Variants in UTP20 observed in about 807,000 individuals in gnomAD.
UTP20 encodes UTP20 small subunit processome component, also known as small subunit processome component 20 homolog.
A neutral mutation model predicts 329.5 loss-of-function variants in UTP20; 164 were observed. The ratio of observed to expected loss-of-function variants is 0.50; its 90% CI spans 0.44 to 0.57. The LOEUF is 0.57. UTP20 is among the 20% of genes least tolerant of loss of function. The probability of loss-of-function intolerance (pLI) is 0.00; values close to 1 mark genes in which losing one functional copy is unlikely to be tolerated. For synonymous variants in UTP20, 1,151 were observed against 1,159.3 expected (o/e 0.99, Z 0.14); for missense variants, 3,055 against 3,284.2 (o/e 0.93, Z 1.71).
intron 47 of UTP20, among the ~76,000 whole-genome samples, chr12:101,367,083 C>T (rs1478712779): frequency 6.6e-6 from 1 of 151,910 alleles, no homozygotes; most frequent in African/African-American, 2.4e-5. Flanking sequence ...AGTCTGAAAC[C>T]AGCCTGGGCA....
chr12:101,351,976 T>A, intron 38 of UTP20, 79 bp from the exon 39 acceptor site: 3 of 1,543,078 alleles, frequency 1.9e-6, no homozygotes, highest in Non-Finnish European at 1.8e-6. Context: ...ACTTACTAAC[T>A]TTTTCAATAT....
In UTP20 at chr12:101,367,853, C is replaced by T. The variant is rs757190685; in HGVS notation, c.6268-7C>T. On this transcript the variant is annotated splice_polypyrimidine_tract_variant and splice_region_variant and intron_variant, in intron 47 of 61. Coordinates refer to ENST00000261637, the MANE Select transcript of UTP20 (RefSeq NM_014503.3). ...CTAATGTGAAATACCTGTTTGAACT[C>T]TCTTAGCTGCTGCATCTGAGTCTGA... 6.2e-7 allele frequency: 1 copy of T among 1,600,690 alleles called. No homozygotes were observed. Among genetic ancestry groups the T allele is most frequent in the African/African-American group, 1.3e-5 (1 of 74,688 alleles).
intron 27 of UTP20, 95 bp downstream of exon 27, chr12:101,329,544 A>G (rs1868685239): frequency 1.6e-6 from 2 of 1,247,722 alleles, no homozygotes; most frequent in Non-Finnish European, 2.2e-6. Context: ...GTATCTTCCA[A>G]CTCTCATTTC....
At chr12:101,361,518 C>T (rs569627781) in intron 43 of UTP20, among the ~76,000 whole-genome samples, 39 of 151,950 alleles carry the variant, frequency 2.6e-4, no homozygotes, top group Non-Finnish European at 5.6e-4. Flanking sequence ...CCTAGCTACT[C>T]GGGAGGCTGA....
At chr12:101,379,210 CTT>C (rs1870568170) in intron 56 of UTP20, among the ~76,000 whole-genome samples, 159 bp from the exon 57 acceptor site, 1 of 152,214 alleles carries the variant, frequency 6.6e-6, no homozygotes, top group Non-Finnish European at 1.5e-5. Flanking sequence ...TAACCAATCT[CTT>C]TTCATCCCCT....
chr12:101,281,335 C>A, intron 2 of UTP20, 139 bp downstream of exon 2: 1 of 644,226 alleles, frequency 1.6e-6, no homozygotes, highest in Non-Finnish European at 2.5e-6. Flanking sequence ...ATACAGTAGC[C>A]ACATATGACA....
Position 101,385,693 on chromosome 12 carries a change from A to G in UTP20, c.8167A>G (p.Lys2723Glu), listed in dbSNP as rs1870803356. Reference sequence around the variant, plus strand: ...CTCTGTACAGAAACAGGCTAATGAGAAAAGGGCACTCCGGAAAAAGAGGAA... The same window carrying G: ...CTCTGTACAGAAACAGGCTAATGAGGAAAGGGCACTCCGGAAAAAGAGGAA... Reference protein sequence around the residue: ...FASVQKQANEKRALRKKRKAL... With the variant: ...FASVQKQANEERALRKKRKAL... The change falls in exon 61 of 62, where the codon AAA becomes GAA. Residue 2723 changes from lysine (K) to glutamate (E), a missense_variant. Around this residue, in one of 3 missense-constraint regions of UTP20, gnomAD observed 337 missense variants for 345.5 expected, o/e 0.98. Transcript: ENST00000261637. The G allele has an allele frequency of 1.9e-6, 3 of 1,611,108 alleles. No individual in the cohort carries two copies. Among genetic ancestry groups the G allele is most frequent in the Non-Finnish European group, 2.5e-6 (3 of 1,179,528 alleles).
In UTP20 at chr12:101,280,204, G is replaced by A; in HGVS notation, c.-79G>A. 2 of 1,525,814 alleles carry A rather than the reference G, an allele frequency of 1.3e-6. No individual in the cohort carries two copies. Among genetic ancestry groups the A allele is most frequent in the Non-Finnish European group, 1.8e-6 (2 of 1,124,638 alleles). The allele number at this position is 1,525,814 out of a possible 1,614,324, so 94.5% of individuals were successfully genotyped here. A position where few individuals can be genotyped will look rare whatever the true frequency, so the allele number is the denominator to read the frequency against. On this transcript the variant is annotated 5_prime_UTR_variant, in exon 1 of 62. Transcript: ENST00000261637. ...GGGAATCGGAGAGTATAGCCTGTGA[G>A]CCGCTTTCCCCTCCTTACTGTCGGT...
intron 46 of UTP20, 71 bp downstream of exon 46, chr12:101,365,696 A>G: frequency 7.6e-7 from 1 of 1,317,770 alleles, no homozygotes; most frequent in Non-Finnish European, 1.0e-6. Flanking sequence ...GGTTGTTTTA[A>G]TAATTTGCTT....
chr12:101,302,822 T>C (rs565591724), intron 15 of UTP20, among the ~76,000 whole-genome samples: 1 of 152,334 alleles, frequency 6.6e-6, no homozygotes, highest in East Asian at 1.9e-4. Flanking sequence ...TGCTGATCAT[T>C]CCCAACTGTA....
intron 10 of UTP20, among the ~76,000 whole-genome samples, chr12:101,292,693 G>A (rs559632717): frequency 4.6e-5 from 7 of 152,282 alleles, no homozygotes; most frequent in African/African-American, 1.2e-4. Context: ...CAGTCTGAGC[G>A]CATGGACACA....
intron 14 of UTP20, among the ~76,000 whole-genome samples, chr12:101,301,257 G>A (rs1264895971): frequency 1.3e-5 from 2 of 152,208 alleles, no homozygotes; most frequent in South Asian, 4.1e-4. Flanking sequence ...TCATGGCTTA[G>A]GCCTGTAATC....
At position 101,357,071 on chromosome 12, in the gene UTP20, C is replaced by T. The variant is rs763725976; in HGVS notation, c.5680C>T (p.Arg1894Cys). ...VLKELQTTLV[R>C]GYQVHVLTFT... is the part of the protein sequence containing the mutation. Reference sequence around the variant, plus strand: ...AAAAGAATTACAGACTACTCTTGTCCGTGGATACCAGGTAAATTGCATCTT... The same window carrying T: ...AAAAGAATTACAGACTACTCTTGTCTGTGGATACCAGGTAAATTGCATCTT... The change falls in exon 43 of 62, where the codon CGT becomes TGT. Residue 1894 changes from arginine (R) to cysteine (C), a missense_variant. Transcript: ENST00000261637. 15 of 1,607,036 alleles carry T rather than the reference C, an allele frequency of 9.3e-6. No homozygotes were observed. Among genetic ancestry groups the T allele is most frequent in the Admixed American group, 8.6e-5 (5 of 58,408 alleles).
intron 8 of UTP20, 175 bp from the exon 9 acceptor site, chr12:101,291,567 T>G (rs1379688223): frequency 1.9e-5 from 7 of 373,554 alleles, no homozygotes; most frequent in Non-Finnish European, 4.5e-6. Context: ...AAAAAAGACT[T>G]AGAACAATGC....
Position 101,385,954 on chromosome 12 carries a change from A to C in UTP20, c.8203-14A>C, listed in dbSNP as rs373273489. 3 of 1,541,278 alleles carry C rather than the reference A, an allele frequency of 1.9e-6. No individual in the cohort carries two copies. The highest frequency in any genetic ancestry group is 2.2e-5 in the East Asian group (1 of 44,460). ...ACTTTAAAAGTAATATAAAATTTCT[A>C]TTCTCTTTTCCAGTTTGTAACTAAT... On this transcript the variant is annotated splice_polypyrimidine_tract_variant and intron_variant, in intron 61 of 61. Coordinates refer to ENST00000261637, the MANE Select transcript of UTP20 (RefSeq NM_014503.3).
chr12:101,288,956 A>G lies in UTP20; in HGVS notation c.516-4A>G. The G allele has an allele frequency of 3.1e-6, 5 of 1,608,878 alleles. No individual in the cohort carries two copies. The highest frequency in any genetic ancestry group is 3.4e-6 in the Non-Finnish European group (4 of 1,177,898). On this transcript the variant is annotated splice_region_variant and splice_polypyrimidine_tract_variant and intron_variant, in intron 5 of 61. Coordinates refer to ENST00000261637, the MANE Select transcript of UTP20 (RefSeq NM_014503.3). ...GAAATGTATCTTATTTTTTTCATGT[A>G]TAGCATGTACAGCACACTCCTGGCT...
rs372955141 is a variant in UTP20, at chr12:101,292,224, G to A, written c.1173+120G>A. 2.2e-4 allele frequency: 253 copies of A among 1,171,530 alleles called. 3 individuals carry two copies. In the South Asian group the frequency reaches 4.3e-3, roughly 20 times the overall value. The allele number at this position is 1,171,530 out of a possible 1,614,324, so 72.6% of individuals were successfully genotyped here. ...CTGCCCTCAAGGAATTTATAATCTT[G>A]TTAAGGAAATGGGAATTGCATGCAG... On this transcript the variant is annotated intron_variant, in intron 10 of 61. Transcript: ENST00000261637.
intron 12 of UTP20, among the ~76,000 whole-genome samples, chr12:101,296,435 G>A (rs1872351898): frequency 1.3e-5 from 2 of 152,190 alleles, no homozygotes; most frequent in South Asian, 4.1e-4. Context: ...GCCAGGCGTG[G>A]TGGCGGACGC....
chr12:101,358,463 T>A (rs1207717949), intron 43 of UTP20, among the ~76,000 whole-genome samples: 1 of 152,272 alleles, frequency 6.6e-6, no homozygotes. Flanking sequence ...CTATTTCTGC[T>A]GTTCTTCCTT....
Sources: allele counts gnomAD v4.1 joint callset (sites outside exome capture counted in the v4.1 genomes callset), GRCh38; gene constraint gnomAD v4.1.1; regional missense constraint gnomAD v4.1.1; transcripts MANE v1.5; gene names NCBI Gene and HGNC (gene_info 2026-07-23, HGNC 2026-07-21).